Variants in VPS13D observed in about 807,000 individuals in gnomAD.
VPS13D encodes the protein intermembrane lipid transfer protein VPS13D.
VPS13D carries 187 observed loss-of-function variants against 461.9 expected under a neutral mutation model. The observed-to-expected ratio is 0.40, with a 90% CI of 0.36 to 0.46. The LOEUF (loss-of-function observed/expected upper bound fraction) is 0.46, where lower values mean the gene tolerates loss of function less well. Among genes scored for constraint, VPS13D ranks in the 20% least tolerant of loss-of-function variants. VPS13D has a pLI of 0.60. For missense variants in VPS13D, 4,711 were observed against 5,364.9 expected (o/e 0.88, Z 3.81); for synonymous variants, 1,951 against 1,986.3 (o/e 0.98, Z 0.47).
At chr1:12,359,404 A>G (rs1407312871) in intron 50 of VPS13D, among the ~76,000 whole-genome samples, 3 of 152,102 alleles carry the variant, frequency 2.0e-5, no homozygotes, top group African/African-American at 7.2e-5. Flanking sequence ...ATTTTGCACT[A>G]TCTAGTAGTA....
At chr1:12,439,228 G>T (rs1038182745) in intron 65 of VPS13D, among the ~76,000 whole-genome samples, 22 of 152,092 alleles carry the variant, frequency 1.4e-4, no homozygotes, top group African/African-American at 5.1e-4. Context: ...CTGACCTGGT[G>T]CCTCACTGTC....
At chr1:12,320,572 T>C (rs1308965812) in intron 32 of VPS13D, among the ~76,000 whole-genome samples, 4 of 152,168 alleles carry the variant, frequency 2.6e-5, no homozygotes, top group African/African-American at 9.7e-5. Flanking sequence ...TGACCACTTG[T>C]TTCTGTCTTG....
In VPS13D at chr1:12,349,380, T is replaced by C; in HGVS notation, c.9431+6T>C. The C allele has an allele frequency of 6.2e-7, 1 of 1,613,346 alleles. No individual in the cohort carries two copies. Among genetic ancestry groups the C allele is most frequent in the Non-Finnish European group, 8.5e-7 (1 of 1,179,870 alleles). On this transcript the variant is annotated splice_donor_region_variant and intron_variant, in intron 46 of 69. Coordinates refer to ENST00000620676, the MANE Select transcript of VPS13D (RefSeq NM_015378.4). ...GAAAAAAGCCGATTTTTCAGGTATG[T>C]AGCACCACTGCAGTGACATGTCACT...
At chr1:12,487,753 G>T (rs999027410) in intron 67 of VPS13D, among the ~76,000 whole-genome samples, 1 of 152,070 alleles carries the variant, frequency 6.6e-6, no homozygotes, top group Non-Finnish European at 1.5e-5. Context: ...TGACAGTTAG[G>T]ACACACGCCT....
rs867700031 is a variant in VPS13D at position 12,358,472 on chromosome 1, A to G, written c.10012A>G (p.Ile3338Val). Residue 3338 changes from isoleucine to valine, a missense_variant, in exon 50 of 70, where the codon ATC (isoleucine) becomes GTC (valine). Ile to Val is a conservative substitution (Grantham distance 29). Coordinates refer to ENST00000620676, the MANE Select transcript of VPS13D (RefSeq NM_015378.4). ...TCTGCCCCACAGCTGCACGATGAGAATCGGAAGGGGGATTCATCCAGAAGG... is the reference window on the plus strand; with the variant it reads ...TCTGCCCCACAGCTGCACGATGAGAGTCGGAAGGGGGATTCATCCAGAAGG... ...KEQPNLCTMR[I>V]GRGIHPEGMP... The G allele has an allele frequency of 6.2e-7, 1 of 1,614,046 alleles. No homozygotes were observed. Among genetic ancestry groups the G allele is most frequent in the African/African-American group, 1.3e-5 (1 of 75,016 alleles).
At chr1:12,325,729 G>A (rs942796186) in intron 35 of VPS13D, among the ~76,000 whole-genome samples, 1 of 152,090 alleles carries the variant, frequency 6.6e-6, no homozygotes, top group African/African-American at 2.4e-5. Context: ...TATATCAGCA[G>A]CATCTTCCCA....
intron 26 of VPS13D, among the ~76,000 whole-genome samples, chr1:12,306,076 C>T (rs1486218405): frequency 3.3e-5 from 5 of 151,918 alleles, no homozygotes; most frequent in African/African-American, 7.3e-5. Context: ...CTCCGCCTCC[C>T]GGGTTCACGC....
chr1:12,303,092 C>G (rs1045981978), intron 25 of VPS13D, among the ~76,000 whole-genome samples: 3 of 152,132 alleles, frequency 2.0e-5, no homozygotes, highest in East Asian at 3.8e-4. Flanking sequence ...CACCAGCCAT[C>G]ATTTTGTATT....
intron 58 of VPS13D, among the ~76,000 whole-genome samples, 159 bp from the exon 59 acceptor site, chr1:12,385,101 A>G (rs1193966764): frequency 6.6e-6 from 1 of 152,166 alleles, no homozygotes; most frequent in Non-Finnish European, 1.5e-5. Context: ...TTGCTTCTTT[A>G]TTACACAAAT....
intron 66 of VPS13D, 28 bp downstream of exon 66, chr1:12,456,158 C>T: frequency 6.3e-7 from 1 of 1,585,808 alleles, no homozygotes; most frequent in Non-Finnish European, 8.6e-7. Flanking sequence ...TCAGGCTCTG[C>T]TGCTGCTGGT....
intron 41 of VPS13D, 142 bp from the exon 42 acceptor site, chr1:12,342,757 G>A: frequency 2.1e-6 from 2 of 930,780 alleles, no homozygotes; most frequent in Admixed American, 2.9e-5. Context: ...GACCCTCAAG[G>A]TCATTCTTTG....
chr1:12,299,398 A>G lies in VPS13D; in HGVS notation c.6216+14A>G, dbSNP rs778556937. The stretch of plus-strand genomic sequence containing the variant: ...CTACAAGATAAGGTGAGCAATCAGT[A>G]TCCATTTCCTTTTCCGTTCAGCTAG... On this transcript the variant is annotated intron_variant, in intron 25 of 69. Coordinates refer to ENST00000620676, the MANE Select transcript of VPS13D (RefSeq NM_015378.4). The surrounding 1 kb of genome is among the most constrained non-coding windows in gnomAD (Gnocchi z 4.2). 9.4e-6 allele frequency: 15 copies of G among 1,590,166 alleles called. No individual in the cohort carries two copies. In the Admixed American group the frequency reaches 2.0e-4, roughly 21 times the overall value.
In VPS13D at chr1:12,510,525, CTG is replaced by C. The variant is rs3831905; in HGVS notation, c.*1530_*1531del. 0.1 allele frequency: 14,649 copies of C among 145,772 alleles called. 691 individuals carry two copies. Among genetic ancestry groups the C allele is most frequent in the Non-Finnish European group, 0.11 (7,437 of 66,406 alleles). The allele number at this position is 145,772 out of a possible 1,614,324, so 9.0% of individuals were successfully genotyped here. On this transcript the variant is annotated 3_prime_UTR_variant, in exon 70 of 70. Coordinates refer to ENST00000620676, the MANE Select transcript of VPS13D (RefSeq NM_015378.4). Reference sequence around the variant, plus strand: ...TCCCACTTCCCCTCTGTGTCTGTGTCTGTGTGTGTGTGTGTGTGTGTGTGTGT... The same window carrying C: ...TCCCACTTCCCCTCTGTGTCTGTGTCTGTGTGTGTGTGTGTGTGTGTGTGT...
intron 13 of VPS13D, among the ~76,000 whole-genome samples, chr1:12,263,005 A>G (rs937191018): frequency 6.6e-6 from 1 of 152,032 alleles, no homozygotes; most frequent in East Asian, 1.9e-4. Context: ...CGCTCAGCTG[A>G]TTTATGATAT....
At position 12,282,948 on chromosome 1, in the gene VPS13D, A is replaced by T. The variant is rs750276828; in HGVS notation, c.4846A>T (p.Thr1616Ser). 6.2e-7 allele frequency: 1 copy of T among 1,614,130 alleles called. No individual in the cohort carries two copies. The highest frequency in any genetic ancestry group is 8.5e-7 in the Non-Finnish European group (1 of 1,180,000). The change falls in exon 21 of 70, where the codon ACT becomes TCT. Residue 1616 changes from threonine (T) to serine (S), a missense_variant. Thr to Ser is a moderately conservative substitution (Grantham distance 58). Coordinates refer to ENST00000620676, the MANE Select transcript of VPS13D (RefSeq NM_015378.4). ...SLSVKEVKSF[T>S]QIQATFCISE... ...GTCAGTGAAGGAAGTCAAATCCTTT[A>T]CTCAGATTCAAGCCACCTTTTGTAT... is the stretch of plus-strand genomic sequence containing the variant.
At chr1:12,291,667 T>C (rs1642135852) in intron 23 of VPS13D, among the ~76,000 whole-genome samples, 1 of 152,168 alleles carries the variant, frequency 6.6e-6, no homozygotes, top group Non-Finnish European at 1.5e-5. Flanking sequence ...TGATTGAATA[T>C]TTCTGATTAT....
At position 12,311,841 on chromosome 1, in the gene VPS13D, G is replaced by A; in HGVS notation, c.6851G>A (p.Cys2284Tyr). Residue 2284 changes from cysteine to tyrosine, a missense_variant, in exon 29 of 70, where the codon TGT becomes TAT. By Grantham distance (194) the Cys-to-Tyr change is radical. Around this residue, in one of 3 missense-constraint regions of VPS13D, gnomAD observed 4,411 missense variants for 4,937.8 expected, o/e 0.89. Coordinates refer to ENST00000620676, the MANE Select transcript of VPS13D (RefSeq NM_015378.4). ...HTVLSGEVYT[C>Y]MCFLIDMVNV... is the part of the protein sequence containing the mutation. ...GTCCTGAGTGGAGAAGTGTACACCT[G>A]TATGTGCTTCCTCATTGATATGGTG... 1 of 1,614,166 alleles carries A rather than the reference G, an allele frequency of 6.2e-7. No individual in the cohort carries two copies. Among genetic ancestry groups the A allele is most frequent in the African/African-American group, 1.3e-5 (1 of 75,048 alleles).
chr1:12,358,781 G>A (rs1288628348), intron 50 of VPS13D, among the ~76,000 whole-genome samples, 180 bp downstream of exon 50: 1 of 152,102 alleles, frequency 6.6e-6, no homozygotes, highest in Non-Finnish European at 1.5e-5. Context: ...TATTCTCCTG[G>A]GGATCTGAGG....
At position 12,354,179 on chromosome 1, in the gene VPS13D, G is replaced by A; in HGVS notation, c.9637G>A (p.Ala3213Thr). Reference sequence around the variant, plus strand: ...TGGGACGCTGAAACCTGGCAAGGAGGCAGCTCTCCATACAGCTGATACATC... The same window carrying A: ...TGGGACGCTGAAACCTGGCAAGGAGACAGCTCTCCATACAGCTGATACATC... ...INGTLKPGKE[A>T]ALHTADTSQN... Residue 3213 changes from alanine to threonine, a missense_variant, in exon 47 of 70, where the codon GCA becomes ACA. Transcript: ENST00000620676. 1.2e-6 allele frequency: 2 copies of A among 1,614,152 alleles called. No homozygotes were observed. The highest frequency in any genetic ancestry group is 1.1e-5 in the South Asian group (1 of 91,084).
Sources: gnomAD v4.1 joint callset for allele counts (sites outside exome capture counted in the v4.1 genomes callset) on GRCh38, gnomAD v4.1.1 for gene constraint, gnomAD v4.1.1 regional missense constraint, Gnocchi (gnomAD v3.1) non-coding constraint, MANE v1.5 for transcripts, NCBI Gene and HGNC (gene_info 2026-07-23, HGNC 2026-07-21) for gene names.